Variants in PDE4B observed in about 807,000 individuals in gnomAD.
PDE4B encodes phosphodiesterase 4B.
Under a neutral mutation model 82.2 loss-of-function variants are expected in PDE4B, and 20 were observed. That is an observed-to-expected ratio of 0.24 (90% confidence interval 0.17 to 0.35). The LOEUF (loss-of-function observed/expected upper bound fraction) is 0.35, where lower values mean the gene tolerates loss of function less well. PDE4B is among the 10% of genes least tolerant of loss of function. The pLI, the probability that PDE4B is intolerant of heterozygous loss-of-function variation, is 1.00. For missense variants in PDE4B, 655 were observed against 907.2 expected (o/e 0.72, Z 3.57); for synonymous variants, 320 against 318.9 (o/e 1.00, Z -0.04).
chr1:66,324,154 G>T (rs958852633), intron 7 of PDE4B, among the ~76,000 whole-genome samples: 4 of 152,154 alleles, frequency 2.6e-5, no homozygotes, highest in Non-Finnish European at 5.9e-5. Flanking sequence ...GCACATCAAA[G>T]ACATAGTTTT....
At position 65,913,242 on chromosome 1, in the gene PDE4B, T is replaced by C. The variant is rs1569656218; in HGVS notation, c.-70-3T>C. 1 of 1,282,806 alleles carries C rather than the reference T, an allele frequency of 7.8e-7. No homozygotes were observed. Among genetic ancestry groups the C allele is most frequent in the Non-Finnish European group, 1.1e-6 (1 of 879,442 alleles). The allele number at this position is 1,282,806 out of a possible 1,614,324, so 79.5% of individuals were successfully genotyped here. ...CTTTTTTGTGTGTTTTTTTCTCCTGTAGGTATTAAAAAGTGTCAGCAAACT... is the reference window on the plus strand; with the variant it reads ...CTTTTTTGTGTGTTTTTTTCTCCTGCAGGTATTAAAAAGTGTCAGCAAACT... On this transcript the variant is annotated splice_region_variant and splice_polypyrimidine_tract_variant and intron_variant, in intron 1 of 16. Coordinates refer to ENST00000341517, the MANE Select transcript of PDE4B (RefSeq NM_002600.4).
At chr1:65,917,430 T>C (rs1046518017) in intron 2 of PDE4B, among the ~76,000 whole-genome samples, 1 of 152,216 alleles carries the variant, frequency 6.6e-6, no homozygotes, top group Non-Finnish European at 1.5e-5. Context: ...ACTTCCGTTA[T>C]TCCCTGCTAG....
At chr1:66,095,556 C>G (rs936094293) in intron 3 of PDE4B, among the ~76,000 whole-genome samples, 15 of 151,872 alleles carry the variant, frequency 9.9e-5, no homozygotes, top group Admixed American at 9.9e-4. Context: ...AGAAAAATAA[C>G]CTGCCAATTT....
At chr1:66,362,297 A>G (rs1331339436) in intron 10 of PDE4B, among the ~76,000 whole-genome samples, 1 of 152,208 alleles carries the variant, frequency 6.6e-6, no homozygotes, top group Admixed American at 6.5e-5. Flanking sequence ...AGAAATAAAG[A>G]GAAACTGACA....
rs545441518 is a variant in PDE4B, at chr1:66,266,477, C to T, written c.634+390C>T. Among the ~76,000 whole-genome samples the T allele has an allele frequency of 5.3e-4, 81 of 152,266 alleles. 1 individual carries two copies. The South Asian group carries it at 0.016, about 31-fold the overall frequency. On this transcript the variant is annotated intron_variant, in intron 7 of 16. Coordinates refer to ENST00000341517, the MANE Select transcript of PDE4B (RefSeq NM_002600.4). ...CTCCACGTTCGCCTGAGGGCCCCTG[C>T]GGATATGTTAGTGGTTTCCCTCTTA...
chr1:66,361,087 T>C lies in PDE4B; in HGVS notation c.842-528T>C, dbSNP rs146429021. Among the ~76,000 whole-genome samples the C allele has an allele frequency of 6.3e-3, 960 of 152,330 alleles. 4 individuals carry two copies. Among genetic ancestry groups the C allele is most frequent in the African/African-American group, 0.022 (925 of 41,582 alleles). ...ATATTTCTAACATATATACTGCTTA[T>C]TTAAACTGAGCCCTTGCTAAAGCCA... On this transcript the variant is annotated intron_variant, in intron 9 of 16. Transcript: ENST00000341517.
intron 8 of PDE4B, among the ~76,000 whole-genome samples, chr1:66,351,801 G>C (rs1287443417): frequency 2.0e-5 from 3 of 152,202 alleles, no homozygotes; most frequent in Non-Finnish European, 4.4e-5. Context: ...ACACTCCCAT[G>C]TGGGAGTCAG....
At chr1:66,261,172 A>C (rs1654651684) in intron 6 of PDE4B, among the ~76,000 whole-genome samples, 1 of 152,204 alleles carries the variant, frequency 6.6e-6, no homozygotes, top group Non-Finnish European at 1.5e-5. Context: ...GAAATCAATT[A>C]GCCATCTCTG....
intron 1 of PDE4B, among the ~76,000 whole-genome samples, chr1:65,806,165 A>G (rs1645752836): frequency 6.6e-6 from 1 of 152,146 alleles, no homozygotes; most frequent in Non-Finnish European, 1.5e-5. Context: ...CATTCTATTG[A>G]CACCTTCTGA....
intron 3 of PDE4B, among the ~76,000 whole-genome samples, chr1:66,130,060 G>A (rs568703752): frequency 2.0e-5 from 3 of 152,300 alleles, no homozygotes; most frequent in East Asian, 3.9e-4. Context: ...AATTCCAACT[G>A]CAGAGATCCA....
At chr1:66,164,481 A>G (rs915221591) in intron 3 of PDE4B, among the ~76,000 whole-genome samples, 1 of 130,886 alleles carries the variant, frequency 7.6e-6, no homozygotes, top group African/African-American at 2.9e-5. Context: ...GGTTGCAGTG[A>G]GCCAAGACTG....
intron 1 of PDE4B, among the ~76,000 whole-genome samples, chr1:65,830,573 C>T (rs1466834763): frequency 5.9e-5 from 9 of 152,140 alleles, no homozygotes; most frequent in Admixed American, 3.9e-4. Flanking sequence ...CACCTAGCCA[C>T]ATTTGAATGA....
At chr1:65,885,005 A>T (rs1418279647) in intron 1 of PDE4B, among the ~76,000 whole-genome samples, 3 of 152,210 alleles carry the variant, frequency 2.0e-5, no homozygotes, top group Non-Finnish European at 4.4e-5. Context: ...AACTCAAATA[A>T]ATTTACAAGA....
chr1:66,061,933 TA>T (rs1022925931), intron 3 of PDE4B, among the ~76,000 whole-genome samples: 3 of 152,008 alleles, frequency 2.0e-5, no homozygotes, highest in Admixed American at 6.6e-5. Flanking sequence ...TAAAAAATAA[TA>T]AAAAGAAGTT....
chr1:65,895,668 A>C (rs1490765050), intron 1 of PDE4B, among the ~76,000 whole-genome samples: 1 of 151,720 alleles, frequency 6.6e-6, no homozygotes, highest in African/African-American at 2.4e-5. Flanking sequence ...TCAAATAGTA[A>C]AAATATACTA....
chr1:66,305,215 TG>T (rs1463432991), intron 7 of PDE4B, among the ~76,000 whole-genome samples: 1 of 152,150 alleles, frequency 6.6e-6, no homozygotes, highest in East Asian at 1.9e-4. Context: ...TTAAGAAGTC[TG>T]TAATTGAGCT....
At chr1:66,012,396 T>C (rs2100742612) in intron 3 of PDE4B, among the ~76,000 whole-genome samples, 1 of 152,312 alleles carries the variant, frequency 6.6e-6, no homozygotes, top group East Asian at 1.9e-4. Flanking sequence ...TCCATGACTC[T>C]AGTTTGATAG....
chr1:66,051,750 G>C (rs2100863473), intron 3 of PDE4B, among the ~76,000 whole-genome samples: 1 of 152,150 alleles, frequency 6.6e-6, no homozygotes, highest in African/African-American at 2.4e-5. Flanking sequence ...TTTATATCAA[G>C]AATAGAAGAT....
chr1:66,299,640 C>T (rs1049638550), intron 7 of PDE4B, among the ~76,000 whole-genome samples: 6 of 152,128 alleles, frequency 3.9e-5, no homozygotes, highest in African/African-American at 1.2e-4. Context: ...ACCTCCATAC[C>T]GTTTTCCATA....
Sources: allele counts gnomAD v4.1 joint callset (sites outside exome capture counted in the v4.1 genomes callset), GRCh38; gene constraint gnomAD v4.1.1; transcripts MANE v1.5; gene names NCBI Gene and HGNC (gene_info 2026-07-23, HGNC 2026-07-21).